The following HMG20B variants were observed in gnomAD, a reference collection of about 807,000 sequenced individuals.
HMG20B encodes high mobility group 20B.
HMG20B carries 24 observed loss-of-function variants against 41.6 expected under a neutral mutation model. That is an observed-to-expected ratio of 0.58 (90% CI 0.42 to 0.81). The LOEUF (loss-of-function observed/expected upper bound fraction) is 0.81. HMG20B is among the 30% of genes least tolerant of loss of function. The pLI is 0.00. For missense variants in HMG20B, 461 were observed against 444.0 expected, an observed-to-expected ratio of 1.04 and a Z score of -0.34; for synonymous variants, 251 against 186.6, an observed-to-expected ratio of 1.34 and a Z score of -2.81.
intron 7 of HMG20B, 66 bp from the exon 8 acceptor site, chr19:3,576,826 C>G: frequency 6.6e-7 from 1 of 1,520,382 alleles, no homozygotes; most frequent in African/African-American, 1.4e-5. Flanking sequence ...GGGCACGTCC[C>G]GGGCAAAAGC....
Position 3,572,983 on chromosome 19 carries a change from G to A in HMG20B, c.-30G>A, listed in dbSNP as rs1488207313. The stretch of plus-strand genomic sequence containing the variant: ...TCGCGCAGTCGGGAGGTCCGGGAAA[G>A]TTTCTTTGGAGGTGAAAACAGCCGC... On this transcript the variant is annotated 5_prime_UTR_variant, in exon 1 of 10. Transcript: ENST00000333651. 3.0e-6 allele frequency: 1 copy of A among 328,694 alleles called. No individual in the cohort carries two copies. Among genetic ancestry groups the A allele is most frequent in the Non-Finnish European group, 5.6e-6 (1 of 178,942 alleles). 20.4% of individuals were successfully genotyped at this position (328,694 alleles called of 1,614,324 possible). A position where few individuals can be genotyped will look rare whatever the true frequency, so the allele number is the denominator to read the frequency against.
intron 7 of HMG20B, 33 bp downstream of exon 7, chr19:3,576,658 C>A (rs1041358414): frequency 4.4e-6 from 7 of 1,583,008 alleles, no homozygotes; most frequent in Non-Finnish European, 6.1e-6. Context: ...ATGCGAACTC[C>A]GTGAAACTGG....
At chr19:3,574,709 A>C in intron 4 of HMG20B, 123 bp downstream of exon 4, 3 of 857,528 alleles carry the variant, frequency 3.5e-6, no homozygotes, top group Non-Finnish European at 5.2e-6. Flanking sequence ...GCCCACCCAT[A>C]ACCAACTTTT....
At chr19:3,574,616 G>T in intron 4 of HMG20B, 30 bp downstream of exon 4, 1 of 1,553,590 alleles carries the variant, frequency 6.4e-7, no homozygotes, top group Non-Finnish European at 8.7e-7. Flanking sequence ...GAGCAGGGCT[G>T]GCGGGGTCCA....
At chr19:3,576,222 G>C in intron 5 of HMG20B, 39 bp from the exon 6 acceptor site, 1 of 1,601,768 alleles carries the variant, frequency 6.2e-7, no homozygotes. Context: ...GTCCCTGGAG[G>C]CCTGGGAGGC....
Position 3,573,273 on chromosome 19 carries a change from G to T in HMG20B, c.-18-19G>T. The stretch of plus-strand genomic sequence containing the variant: ...GGCAGCCCGGGCGCTACTCACCTCC[G>T]CCCGCGTCCGTGTTCCAGGTCCGGC... On this transcript the variant is annotated intron_variant, in intron 1 of 9. Transcript: ENST00000333651. The T allele has an allele frequency of 6.6e-7, 1 of 1,516,476 alleles. No individual in the cohort carries two copies. 93.9% of individuals were successfully genotyped at this position (1,516,476 alleles called of 1,614,324 possible). A position where few individuals can be genotyped will look rare whatever the true frequency, so the allele number is the denominator to read the frequency against.
chr19:3,577,541 G>A (rs1377589661), intron 8 of HMG20B, among the ~76,000 whole-genome samples: 2 of 42,370 alleles, frequency 4.7e-5, no homozygotes, highest in Admixed American at 6.8e-4. Flanking sequence ...GCCAGCCCCC[G>A]ACCAGCCTGA....
At chr19:3,576,818 G>A in intron 7 of HMG20B, 74 bp from the exon 8 acceptor site, 3 of 1,490,072 alleles carry the variant, frequency 2.0e-6, no homozygotes, top group Non-Finnish European at 2.7e-6. Flanking sequence ...CTGGGCAGGG[G>A]CACGTCCCGG....
chr19:3,573,996 G>A (rs1427973505), intron 3 of HMG20B, 196 bp downstream of exon 3: 2 of 698,520 alleles, frequency 2.9e-6, no homozygotes, highest in Admixed American at 2.1e-5. Flanking sequence ...CCCGCCCACC[G>A]CACAATGCCA....
At position 3,573,704 on chromosome 19, in the gene HMG20B, C is replaced by T; in HGVS notation, c.51C>T (p.Gly17=). ...QPGAAAAPAG[G]KAPGQHGGFV... is the part of the protein sequence containing the mutation. Reference sequence around the variant, plus strand: ...TCCTTGGCTCCAGGCCGGCGGGCGGCAAGGCTCCGGGCCAGCATGGGGGCT... The same window carrying T: ...TCCTTGGCTCCAGGCCGGCGGGCGGTAAGGCTCCGGGCCAGCATGGGGGCT... Residue 17 remains glycine, a synonymous_variant, in exon 3 of 10, where the codon GGC becomes GGT. Transcript: ENST00000333651. 2.0e-6 allele frequency: 3 copies of T among 1,503,334 alleles called. No individual in the cohort carries two copies. The highest frequency in any genetic ancestry group is 8.8e-7 in the Non-Finnish European group (1 of 1,131,104). 93.1% of individuals were successfully genotyped at this position (1,503,334 alleles called of 1,614,324 possible).
chr19:3,576,100 A>G (rs2032155578), intron 5 of HMG20B, 161 bp from the exon 6 acceptor site: 1 of 649,582 alleles, frequency 1.5e-6, no homozygotes, highest in Non-Finnish European at 2.7e-6. Flanking sequence ...ACATAGCCAG[A>G]CAGGAGTGAA....
Position 3,577,973 on chromosome 19 carries a change from T to TC in HMG20B, c.809-3dup. The stretch of plus-strand genomic sequence containing the variant: ...CACCCTCGCCTGACCTTCCCGCCTG[T>TC]CCCCCAGGCACGGGCGAAACGCCCA... On this transcript the variant is annotated splice_region_variant and splice_polypyrimidine_tract_variant and intron_variant, in intron 8 of 9. Coordinates refer to ENST00000333651, the MANE Select transcript of HMG20B (RefSeq NM_006339.3). 6.3e-7 allele frequency: 1 copy of TC among 1,587,790 alleles called. No individual in the cohort carries two copies.
chr19:3,573,902 G>T (rs746253721), intron 3 of HMG20B, 102 bp downstream of exon 3: 3 of 1,118,292 alleles, frequency 2.7e-6, no homozygotes, highest in East Asian at 2.6e-5. Context: ...TCCGCCCACA[G>T]CCCATTTTCC....
At chr19:3,576,815 G>GGGGCACGTCCC in intron 7 of HMG20B, 77 bp from the exon 8 acceptor site, 1 of 1,485,282 alleles carries the variant, frequency 6.7e-7, no homozygotes, top group Non-Finnish European at 9.2e-7. Context: ...AACCTGGGCA[G>GGGGCACGTCCC]GGGCACGTCC....
chr19:3,573,373 G>T (rs767097682), intron 2 of HMG20B, 26 bp downstream of exon 2: 16 of 1,510,260 alleles, frequency 1.1e-5, no homozygotes, highest in Admixed American at 8.4e-5. Flanking sequence ...CCCTCCCCAC[G>T]CCCTCGCTAC....
At chr19:3,577,909 T>C in intron 8 of HMG20B, 72 bp from the exon 9 acceptor site, 2 of 1,392,174 alleles carry the variant, frequency 1.4e-6, no homozygotes, top group Non-Finnish European at 1.9e-6. Context: ...AGTCACCCCC[T>C]ACCGCTGCCC....
At chr19:3,578,206 G>T in intron 9 of HMG20B, 93 bp downstream of exon 9, 1 of 1,505,778 alleles carries the variant, frequency 6.6e-7, no homozygotes. Flanking sequence ...TGCTGGGTGG[G>T]ACTCCGCAGC....
intron 4 of HMG20B, 31 bp downstream of exon 4, chr19:3,574,617 G>A: frequency 6.4e-7 from 1 of 1,552,046 alleles, no homozygotes; most frequent in South Asian, 1.2e-5. Context: ...AGCAGGGCTG[G>A]CGGGGTCCAC....
rs2032114431 is a variant in HMG20B, at chr19:3,574,470, C to A, written c.235C>A (p.Arg79Ser). 1 of 1,609,056 alleles carries A rather than the reference C, an allele frequency of 6.2e-7. No homozygotes were observed. The highest frequency in any genetic ancestry group is 8.5e-7 in the Non-Finnish European group (1 of 1,178,452). ...GPKAPVTGYV[R>S]FLNERREQIR... is the part of the protein sequence containing the mutation. ...CAAGGCACCGGTCACGGGCTACGTG[C>A]GCTTCCTGAACGAGCGGCGCGAGCA... is the stretch of plus-strand genomic sequence containing the variant. Residue 79 changes from arginine (R) to serine (S), a missense_variant, in exon 4 of 10, where the codon CGC becomes AGC. By Grantham distance (110) the Arg-to-Ser change is moderately radical. This residue lies in a region of HMG20B where 49 missense variants were observed against 84.1 expected (regional missense o/e 0.58). Transcript: ENST00000333651.
Sources: allele counts gnomAD v4.1 joint callset (sites outside exome capture counted in the v4.1 genomes callset), GRCh38; gene constraint gnomAD v4.1.1; regional missense constraint gnomAD v4.1.1; transcripts MANE v1.5; gene names NCBI Gene and HGNC (gene_info 2026-07-23, HGNC 2026-07-21).